The following PDE10A variants were observed in gnomAD, a reference collection of about 807,000 sequenced individuals.
PDE10A encodes cAMP and cAMP-inhibited cGMP 3',5'-cyclic phosphodiesterase 10A.
A neutral mutation model predicts 97.7 loss-of-function variants in PDE10A; 39 were observed. The observed-to-expected ratio is 0.40, with a 90% CI of 0.31 to 0.52. PDE10A has a LOEUF of 0.52. PDE10A is among the 20% of genes least tolerant of loss of function. PDE10A has a pLI of 0.56. For synonymous variants in PDE10A, 371 were observed against 376.8 expected, an observed-to-expected ratio of 0.98 and a Z score of 0.18; for missense variants, 731 against 1,047.8, an observed-to-expected ratio of 0.70 and a Z score of 4.17.
intron 1 of PDE10A, among the ~76,000 whole-genome samples, chr6:165,919,398 C>T (rs924072411): frequency 6.6e-6 from 1 of 152,196 alleles, no homozygotes; most frequent in Non-Finnish European, 1.5e-5. Context: ...TAGGGGATAA[C>T]CTTGTGGCTT....
chr6:165,503,824 A>T (rs1256309748), intron 2 of PDE10A, among the ~76,000 whole-genome samples: 1 of 152,228 alleles, frequency 6.6e-6, no homozygotes, highest in Non-Finnish European at 1.5e-5. Context: ...GCAAAAAAAA[A>T]TAAGTAACTG....
chr6:165,518,909 A>C (rs1015881520), intron 2 of PDE10A, among the ~76,000 whole-genome samples: 6 of 152,184 alleles, frequency 3.9e-5, no homozygotes, highest in Admixed American at 1.3e-4. Context: ...TGATGGCAAC[A>C]GGGTTTGGTA....
chr6:165,498,402 G>A (rs898672185), intron 2 of PDE10A, among the ~76,000 whole-genome samples: 1 of 97,608 alleles, frequency 1.0e-5, no homozygotes, highest in Non-Finnish European at 1.9e-5. Context: ...CAGCCAGGAT[G>A]ACAGAGCAAG....
At chr6:165,807,866 CAT>C (rs1408115050) in intron 1 of PDE10A, among the ~76,000 whole-genome samples, 1 of 152,152 alleles carries the variant, frequency 6.6e-6, no homozygotes, top group East Asian at 1.9e-4. Context: ...TGCCTGTTTC[CAT>C]ATGTGTCTAT....
chr6:165,726,088 T>C (rs2046924220), intron 1 of PDE10A, among the ~76,000 whole-genome samples: 1 of 152,164 alleles, frequency 6.6e-6, no homozygotes, highest in Non-Finnish European at 1.5e-5. Flanking sequence ...ACATAATATG[T>C]TGTATTCCTG....
At chr6:165,693,013 A>C (rs1791346024) in intron 1 of PDE10A, among the ~76,000 whole-genome samples, 1 of 152,186 alleles carries the variant, frequency 6.6e-6, no homozygotes, top group East Asian at 1.9e-4. Context: ...AGTCTGGATA[A>C]CCATTAACAG....
At chr6:165,812,832 C>A (rs187783846) in intron 1 of PDE10A, among the ~76,000 whole-genome samples, 1 of 152,052 alleles carries the variant, frequency 6.6e-6, no homozygotes, top group Non-Finnish European at 1.5e-5. Flanking sequence ...AGGAAATTGA[C>A]CCCGAGAGAG....
In PDE10A at chr6:165,435,360, C is replaced by T. The variant is rs925411972; in HGVS notation, c.1212G>A (p.Thr404=). 4.3e-6 allele frequency: 7 copies of T among 1,613,796 alleles called. No homozygotes were observed. Among genetic ancestry groups the T allele is most frequent in the East Asian group, 2.2e-5 (1 of 44,862 alleles). The change falls in exon 6 of 22, where the codon ACG becomes ACA. Residue 404 remains threonine (T), a synonymous_variant. Transcript: ENST00000539869. The part of the protein sequence containing the change: ...GECNNSLCIF[T]PPGIKEGKPR... ...GTTTTCCTTCCTTTATCCCAGGTGGCGTGAATATACACAGGCTCTAGGGAG... is the reference window on the plus strand; with the variant it reads ...GTTTTCCTTCCTTTATCCCAGGTGGTGTGAATATACACAGGCTCTAGGGAG...
intron 2 of PDE10A, among the ~76,000 whole-genome samples, chr6:165,487,173 A>G (rs1423846927): frequency 1.3e-5 from 2 of 152,226 alleles, no homozygotes; most frequent in East Asian, 1.9e-4. Context: ...TCAAATCTCC[A>G]TATGTTCTGG....
chr6:165,659,668 G>C (rs73253418), intron 1 of PDE10A, among the ~76,000 whole-genome samples: 6,625 of 152,316 alleles, frequency 0.043, 346 homozygotes, highest in African/African-American at 0.12. Context: ...TACTGCTCAG[G>C]GCAAGGTGTG....
At chr6:165,666,358 C>A (rs1790496184), upstream of PDE10A, among the ~76,000 whole-genome samples, 1 of 152,186 alleles carries the variant, frequency 6.6e-6, no homozygotes, top group South Asian at 2.1e-4. Flanking sequence ...ATACAGATGT[C>A]TACCAAAATG....
At chr6:165,493,629 A>C (rs1780350876) in intron 2 of PDE10A, among the ~76,000 whole-genome samples, 1 of 151,920 alleles carries the variant, frequency 6.6e-6, no homozygotes, top group Non-Finnish European at 1.5e-5. Flanking sequence ...TAATTGTAGA[A>C]GAATGAAACT....
intron 1 of PDE10A, among the ~76,000 whole-genome samples, chr6:165,967,027 A>G (rs1784530586): frequency 6.6e-6 from 1 of 152,176 alleles, no homozygotes; most frequent in Admixed American, 6.5e-5. Context: ...TTGACTGCTA[A>G]GCTTCTAGAA....
At chr6:165,343,891 T>C (rs1323675633) in intron 18 of PDE10A, among the ~76,000 whole-genome samples, 1 of 152,194 alleles carries the variant, frequency 6.6e-6, no homozygotes, top group African/African-American at 2.4e-5. Flanking sequence ...AGAAAATCTA[T>C]CCCAATCCTT....
chr6:165,885,653 G>T (rs79867274), intron 1 of PDE10A, among the ~76,000 whole-genome samples: 1 of 152,232 alleles, frequency 6.6e-6, no homozygotes, highest in South Asian at 2.1e-4. Context: ...CTCAGCGCTG[G>T]CTGAAAGGTG....
At chr6:165,783,295 C>A (rs1336507918) in intron 1 of PDE10A, among the ~76,000 whole-genome samples, 1 of 152,170 alleles carries the variant, frequency 6.6e-6, no homozygotes, top group African/African-American at 2.4e-5. Flanking sequence ...TCATTTTAGT[C>A]ATATTTTTGG....
At chr6:165,890,617 A>C (rs756605954) in intron 1 of PDE10A, among the ~76,000 whole-genome samples, 1 of 151,806 alleles carries the variant, frequency 6.6e-6, no homozygotes, top group African/African-American at 2.4e-5. Context: ...TTGTGCCCCT[A>C]CGTTTCTCAG....
At chr6:165,735,766 A>G (rs972608375) in intron 1 of PDE10A, among the ~76,000 whole-genome samples, 3 of 152,232 alleles carry the variant, frequency 2.0e-5, no homozygotes, top group African/African-American at 7.2e-5. Context: ...AATATCTTCC[A>G]AAATCACCCT....
At chr6:165,838,054 A>G (rs578216412) in intron 1 of PDE10A, among the ~76,000 whole-genome samples, 1 of 152,336 alleles carries the variant, frequency 6.6e-6, no homozygotes, top group South Asian at 2.1e-4. Flanking sequence ...GAAACGTACA[A>G]GCTTCCTTCT....
Sources: gnomAD v4.1 joint callset for allele counts (sites outside exome capture counted in the v4.1 genomes callset) on GRCh38, gnomAD v4.1.1 for gene constraint, MANE v1.5 for transcripts, NCBI Gene and HGNC (gene_info 2026-07-23, HGNC 2026-07-21) for gene names.